PAWR: variants seen among roughly 807,000 people sequenced by gnomAD.
The protein encoded by PAWR is pro-apoptotic WT1 regulator.
Under a neutral mutation model 32.0 loss-of-function variants are expected in PAWR, and 23 were observed. That is an observed-to-expected ratio of 0.72 (90% CI 0.52 to 1.02). The LOEUF is 1.02. PAWR is among the 50% of genes least tolerant of loss of function. The pLI, the probability that PAWR is intolerant of heterozygous loss-of-function variation, is 0.00. For synonymous variants in PAWR, 226 were observed against 187.1 expected (o/e 1.21, Z -1.70); for missense variants, 457 against 437.7 (o/e 1.04, Z -0.39).
chr12:79,690,201 C>T lies in PAWR; in HGVS notation c.44G>A (p.Ser15Asn). ...GYRTSSGLGG[S>N]TTDFLEEWKA... Reference sequence around the variant, plus strand: ...CCACTCCTCCAGGAAGTCTGTGGTGCTGCCGCCGAGGCCGCTGCTGGTCCG... The same window carrying T: ...CCACTCCTCCAGGAAGTCTGTGGTGTTGCCGCCGAGGCCGCTGCTGGTCCG... The change falls in exon 2 of 7, where the codon AGC becomes AAC. Residue 15 changes from serine to asparagine, a missense_variant. Ser to Asn is a conservative substitution (Grantham distance 46, BLOSUM62 1). Transcript: ENST00000328827. 1 of 1,531,262 alleles carries T rather than the reference C, an allele frequency of 6.5e-7. No individual in the cohort carries two copies. Among genetic ancestry groups the T allele is most frequent in the Non-Finnish European group, 8.7e-7 (1 of 1,143,112 alleles). The allele number at this position is 1,531,262 out of a possible 1,614,324, so 94.9% of individuals were successfully genotyped here.
At chr12:79,631,114 A>G (rs1355560860) in intron 2 of PAWR, among the ~76,000 whole-genome samples, 1 of 152,170 alleles carries the variant, frequency 6.6e-6, no homozygotes. Flanking sequence ...ATAAACCCTC[A>G]TGCCAATAAA....
At chr12:79,605,592 CA>C (rs1874145096) in intron 4 of PAWR, among the ~76,000 whole-genome samples, 1 of 151,688 alleles carries the variant, frequency 6.6e-6, no homozygotes, top group African/African-American at 2.4e-5. Flanking sequence ...AGGGGTCACA[CA>C]AAAACTTGTA....
chr12:79,669,854 C>A (rs1406439117), intron 2 of PAWR, among the ~76,000 whole-genome samples: 2 of 151,914 alleles, frequency 1.3e-5, no homozygotes, highest in Non-Finnish European at 2.9e-5. Context: ...GTGTGCACCA[C>A]TATACTGGGC....
intron 2 of PAWR, chr12:79,688,282 G>T (rs1007376030): frequency 1.3e-5 from 2 of 151,228 alleles, no homozygotes; most frequent in Non-Finnish European, 2.9e-5. Context: ...CAGAAAAAAA[G>T]TGAAGTTTAA....
intron 4 of PAWR, among the ~76,000 whole-genome samples, chr12:79,610,924 G>A (rs1407294217): frequency 6.6e-6 from 1 of 151,020 alleles, no homozygotes; most frequent in Non-Finnish European, 1.5e-5. Context: ...GGAAAACCGG[G>A]AATATGTAAG....
chr12:79,689,425 C>G (rs1378133191), intron 2 of PAWR, among the ~76,000 whole-genome samples: 1 of 152,044 alleles, frequency 6.6e-6, no homozygotes, highest in East Asian at 1.9e-4. Flanking sequence ...CCAAGTCAGC[C>G]AAGTCCAGGT....
intron 2 of PAWR, among the ~76,000 whole-genome samples, chr12:79,669,943 C>T (rs1877806691): frequency 6.6e-6 from 1 of 152,080 alleles, no homozygotes; most frequent in Non-Finnish European, 1.5e-5. Flanking sequence ...TCAAGCAATC[C>T]ACCCTCCTCC....
chr12:79,652,811 G>A (rs944601555), intron 2 of PAWR, among the ~76,000 whole-genome samples: 1 of 152,074 alleles, frequency 6.6e-6, no homozygotes, highest in Non-Finnish European at 1.5e-5. Flanking sequence ...GTTCTTTTCT[G>A]AATTTAAAAT....
intron 2 of PAWR, among the ~76,000 whole-genome samples, chr12:79,675,837 C>T (rs1878137605): frequency 6.6e-6 from 1 of 152,046 alleles, no homozygotes; most frequent in African/African-American, 2.4e-5. Flanking sequence ...GAAATTTACC[C>T]ATGCAGCAAA....
chr12:79,658,348 G>T (rs1877191173), intron 2 of PAWR, among the ~76,000 whole-genome samples: 1 of 152,160 alleles, frequency 6.6e-6, no homozygotes, highest in South Asian at 2.1e-4. Flanking sequence ...GTTCAACTTA[G>T]AGGTCTATCA....
At chr12:79,609,998 C>T (rs769416716) in intron 4 of PAWR, among the ~76,000 whole-genome samples, 7 of 152,160 alleles carry the variant, frequency 4.6e-5, no homozygotes, top group African/African-American at 1.4e-4. Context: ...AAGCGCTCAC[C>T]CTGGCTCTTG....
At position 79,588,904 on chromosome 12, in the gene PAWR, T is replaced by TG. The variant is rs1286245273; in HGVS notation, c.*3702dup. On this transcript the variant is annotated 3_prime_UTR_variant, in exon 7 of 7. Coordinates refer to ENST00000328827, the MANE Select transcript of PAWR (RefSeq NM_002583.4). ...CCATATATCCAGGAGAAACTTAGCA[T>TG]GGGGGGAGGTGCCTTAGTTGATGTG... The TG allele has an allele frequency of 6.6e-6, 1 of 151,976 alleles. No homozygotes were observed. Among genetic ancestry groups the TG allele is most frequent in the Non-Finnish European group, 1.5e-5 (1 of 67,888 alleles). The allele number at this position is 151,976 out of a possible 1,614,324, so 9.4% of individuals were successfully genotyped here. A position where few individuals can be genotyped will look rare whatever the true frequency, so the allele number is the denominator to read the frequency against.
At chr12:79,684,303 T>A (rs73136680) in intron 2 of PAWR, among the ~76,000 whole-genome samples, 2,536 of 151,474 alleles carry the variant, frequency 0.017, 34 homozygotes, top group Non-Finnish European at 0.027. Flanking sequence ...AAAAAAAAAA[T>A]GCAGAAATAA....
At chr12:79,600,012 A>G (rs1256595663) in intron 4 of PAWR, among the ~76,000 whole-genome samples, 1 of 152,216 alleles carries the variant, frequency 6.6e-6, no homozygotes, top group Non-Finnish European at 1.5e-5. Context: ...GCCTGCAACT[A>G]CCAATTAAAT....
intron 2 of PAWR, among the ~76,000 whole-genome samples, chr12:79,668,949 C>A (rs1359307414): frequency 6.6e-6 from 1 of 152,216 alleles, no homozygotes; most frequent in African/African-American, 2.4e-5. Flanking sequence ...CATATTTACA[C>A]ACATGCACTT....
intron 2 of PAWR, among the ~76,000 whole-genome samples, chr12:79,660,660 T>C (rs1172826316): frequency 6.6e-6 from 1 of 151,004 alleles, no homozygotes; most frequent in East Asian, 2.0e-4. Flanking sequence ...CTTGGCTCAC[T>C]GCAACCTCTG....
At chr12:79,662,245 C>A (rs1877389463) in intron 2 of PAWR, among the ~76,000 whole-genome samples, 1 of 147,686 alleles carries the variant, frequency 6.8e-6, no homozygotes. Flanking sequence ...CTTAAAAGAT[C>A]CAGAACTTTC....
At chr12:79,675,245 T>C (rs1356959337) in intron 2 of PAWR, among the ~76,000 whole-genome samples, 1 of 151,996 alleles carries the variant, frequency 6.6e-6, no homozygotes. Context: ...CTGGGCGTGG[T>C]GCCGCACTTG....
intron 2 of PAWR, among the ~76,000 whole-genome samples, chr12:79,632,351 ATATATATATATTTT>A (rs1215255006): frequency 8.4e-4 from 20 of 23,884 alleles, no homozygotes; most frequent in Admixed American, 2.8e-3. Flanking sequence ...ATATATATAT[ATATATATATATTTT>A]TTTTTTTTTT....
Sources: allele counts gnomAD v4.1 joint callset (sites outside exome capture counted in the v4.1 genomes callset), GRCh38; gene constraint gnomAD v4.1.1; transcripts MANE v1.5; gene names NCBI Gene and HGNC (gene_info 2026-07-23, HGNC 2026-07-21).